The following FRMD5 variants were observed in gnomAD, a reference collection of about 807,000 sequenced individuals.
The protein encoded by FRMD5 is FERM domain-containing protein 5.
In FRMD5, 20 loss-of-function variants were observed where a neutral mutation model predicts 69.0. That is an observed-to-expected ratio of 0.29 (90% confidence interval 0.20 to 0.42). FRMD5 has a LOEUF of 0.42. Ranked by LOEUF, FRMD5 falls within the 10% of genes least tolerant of loss-of-function variation. FRMD5 has a pLI of 1.00. For missense variants in FRMD5, 595 were observed against 708.6 expected (o/e 0.84, Z 1.82); for synonymous variants, 271 against 260.1 (o/e 1.04, Z -0.40).
chr15:43,981,229 G>A (rs2090543940), intron 1 of FRMD5, among the ~76,000 whole-genome samples: 1 of 151,958 alleles, frequency 6.6e-6, no homozygotes, highest in Non-Finnish European at 1.5e-5. Flanking sequence ...CAAAGTGCTG[G>A]GATTACAGGC....
At chr15:44,183,683 C>T (rs2078050056) in intron 1 of FRMD5, among the ~76,000 whole-genome samples, 2 of 152,042 alleles carry the variant, frequency 1.3e-5, no homozygotes, top group Non-Finnish European at 2.9e-5. Context: ...ACAGCTACAA[C>T]AACAAAAAAT....
At chr15:43,888,744 C>T (rs1202504187) in intron 9 of FRMD5, 65 bp downstream of exon 9, 3 of 1,425,886 alleles carry the variant, frequency 2.1e-6, no homozygotes, top group Non-Finnish European at 2.0e-6. Context: ...TCAAGCTTGG[C>T]TCTGGCCACC....
At chr15:43,942,893 G>C (rs985299335) in intron 1 of FRMD5, among the ~76,000 whole-genome samples, 7 of 152,162 alleles carry the variant, frequency 4.6e-5, no homozygotes, top group Admixed American at 4.6e-4. Flanking sequence ...CCAAGTAACT[G>C]GGACTTTAGG....
At chr15:44,165,247 C>T (rs1016820946) in intron 1 of FRMD5, among the ~76,000 whole-genome samples, 3 of 152,014 alleles carry the variant, frequency 2.0e-5, no homozygotes, top group African/African-American at 4.8e-5. Flanking sequence ...GGCGAAACCC[C>T]GTCTCTACTA....
intron 1 of FRMD5, among the ~76,000 whole-genome samples, chr15:44,040,334 G>A (rs900820075): frequency 1.3e-5 from 2 of 152,050 alleles, no homozygotes; most frequent in Non-Finnish European, 2.9e-5. Flanking sequence ...GATACTCCTC[G>A]AGAAGAGCAA....
intron 1 of FRMD5, among the ~76,000 whole-genome samples, chr15:44,010,616 C>A (rs948585329): frequency 6.6e-6 from 1 of 152,094 alleles, no homozygotes; most frequent in African/African-American, 2.4e-5. Flanking sequence ...AACTCCTGAC[C>A]TCAAGTGATC....
intron 5 of FRMD5, among the ~76,000 whole-genome samples, chr15:43,907,171 G>C (rs527731063): frequency 6.6e-6 from 1 of 152,198 alleles, no homozygotes; most frequent in Non-Finnish European, 1.5e-5. Context: ...TCCCAGGTGA[G>C]AGCCACAACC....
At chr15:44,137,716 C>G (rs2077208071) in intron 1 of FRMD5, among the ~76,000 whole-genome samples, 1 of 151,996 alleles carries the variant, frequency 6.6e-6, no homozygotes, top group Admixed American at 6.6e-5. Context: ...TTTCCAAGGA[C>G]TATAAATGGA....
upstream of FRMD5, among the ~76,000 whole-genome samples, chr15:44,195,865 C>T (rs887924345): frequency 3.3e-5 from 5 of 149,990 alleles, no homozygotes; most frequent in African/African-American, 9.8e-5. Flanking sequence ...GGTTTAATCC[C>T]CTAAAAAACC....
At chr15:43,877,629 G>A (rs964865304) in intron 13 of FRMD5, among the ~76,000 whole-genome samples, 6 of 152,232 alleles carry the variant, frequency 3.9e-5, no homozygotes, top group East Asian at 1.9e-4. Context: ...TCCCCATTGC[G>A]TCACGGCTCA....
At chr15:43,956,895 G>C (rs1322633047) in intron 1 of FRMD5, among the ~76,000 whole-genome samples, 2 of 152,092 alleles carry the variant, frequency 1.3e-5, no homozygotes, top group African/African-American at 4.8e-5. Context: ...AAAGTTGACT[G>C]TACTGCAATC....
intron 1 of FRMD5, among the ~76,000 whole-genome samples, chr15:43,928,904 A>C (rs1226717374): frequency 2.0e-5 from 3 of 152,236 alleles, no homozygotes; most frequent in African/African-American, 4.8e-5. Flanking sequence ...GAGCACCCAA[A>C]TCCTCACCCT....
intron 1 of FRMD5, among the ~76,000 whole-genome samples, chr15:44,011,091 C>A (rs781558352): frequency 4.6e-5 from 7 of 151,198 alleles, no homozygotes; most frequent in Non-Finnish European, 1.0e-4. Flanking sequence ...CTTGTTGCTT[C>A]TGCTTGGTGG....
intron 1 of FRMD5, among the ~76,000 whole-genome samples, chr15:44,139,497 T>C (rs1412902536): frequency 4.0e-5 from 6 of 151,534 alleles, no homozygotes; most frequent in African/African-American, 7.3e-5. Context: ...AGTTTGAAAA[T>C]AGACAGTGAA....
chr15:44,067,777 A>G (rs1164513620), intron 1 of FRMD5, among the ~76,000 whole-genome samples: 1 of 152,198 alleles, frequency 6.6e-6, no homozygotes, highest in Non-Finnish European at 1.5e-5. Flanking sequence ...AGCAGACACT[A>G]CCAAAAAAGT....
At chr15:44,027,692 C>T (rs943976223) in intron 1 of FRMD5, among the ~76,000 whole-genome samples, 5 of 145,626 alleles carry the variant, frequency 3.4e-5, no homozygotes, top group African/African-American at 1.3e-4. Context: ...GCTCTGTTGC[C>T]CGGGCTGGAG....
chr15:43,966,100 G>GCGGT (rs1566867397), intron 1 of FRMD5, among the ~76,000 whole-genome samples: 1 of 152,012 alleles, frequency 6.6e-6, no homozygotes, highest in African/African-American at 2.4e-5. Flanking sequence ...TGGGCTGGGT[G>GCGGT]CGGTGACTTA....
At chr15:44,144,955 C>T (rs2077334301) in intron 1 of FRMD5, among the ~76,000 whole-genome samples, 1 of 152,130 alleles carries the variant, frequency 6.6e-6, no homozygotes, top group South Asian at 2.1e-4. Flanking sequence ...TGAAACCTGG[C>T]CAGTGCCCAG....
chr15:44,108,790 A>G lies in FRMD5; in HGVS notation c.102+86163T>C, dbSNP rs571122922. On this transcript the variant is annotated intron_variant, in intron 1 of 13. Coordinates refer to ENST00000417257, the MANE Select transcript of FRMD5 (RefSeq NM_032892.5). ...ACCAGCCTGACCAACACAGTGAGAC[A>G]CCTCTACCAGTAATTTAAAAATTAG... Among the ~76,000 whole-genome samples the G allele has an allele frequency of 2.4e-4, 37 of 151,212 alleles. 1 individual carries two copies. The South Asian group carries it at 7.3e-3, about 30-fold the overall frequency.
Sources: gnomAD v4.1 joint callset for allele counts (sites outside exome capture counted in the v4.1 genomes callset) on GRCh38, gnomAD v4.1.1 for gene constraint, MANE v1.5 for transcripts, NCBI Gene and HGNC (gene_info 2026-07-23, HGNC 2026-07-21) for gene names.